Variants in MIA2 observed in about 807,000 individuals in gnomAD.
MIA2 encodes the protein melanoma inhibitory activity protein 2.
In MIA2, 127 loss-of-function variants were observed where a neutral mutation model predicts 167.8. That is an observed-to-expected ratio of 0.76 (90% CI 0.66 to 0.88). The LOEUF is 0.88. Ranked by LOEUF, MIA2 falls within the 40% of genes least tolerant of loss-of-function variation. The pLI, the probability that MIA2 is intolerant of heterozygous loss-of-function variation, is 0.00. For missense variants in MIA2, 1,690 were observed against 1,624.7 expected (o/e 1.04, Z -0.69); for synonymous variants, 552 against 541.9 (o/e 1.02, Z -0.26).
At chr14:39,320,677 G>T (rs372581783) in intron 23 of MIA2, among the ~76,000 whole-genome samples, 1 of 152,056 alleles carries the variant, frequency 6.6e-6, no homozygotes, top group Non-Finnish European at 1.5e-5. Flanking sequence ...TATTTATCAT[G>T]ATCTTTTTAT....
At chr14:39,328,992 A>AT (rs1256854897) in intron 25 of MIA2, among the ~76,000 whole-genome samples, 5 of 152,126 alleles carry the variant, frequency 3.3e-5, no homozygotes, top group Admixed American at 2.6e-4. Flanking sequence ...GTTTTTTCTA[A>AT]TTCTTTGAAG....
In MIA2 at chr14:39,240,612, G is replaced by A. The variant is rs1260664623; in HGVS notation, c.301G>A (p.Val101Met). 1.2e-6 allele frequency: 2 copies of A among 1,613,154 alleles called. No homozygotes were observed. The highest frequency in any genetic ancestry group is 1.6e-4 in the Middle Eastern group (1 of 6,080). The change falls in exon 3 of 29, where the codon GTG becomes ATG. Residue 101 changes from valine (V) to methionine (M), a missense_variant. Val to Met is a conservative substitution (Grantham distance 21, BLOSUM62 1). Coordinates refer to ENST00000640607, the MANE Select transcript of MIA2 (RefSeq NM_001329214.4). The stretch of plus-strand genomic sequence containing the variant: ...CAGAGATGCAGTCCAGATTGAAGAG[G>A]TGTTCATATCTGAGGAAATTCAGAT... ...FPRDAVQIEE[V>M]FISEEIQMST...
At chr14:39,269,935 C>T (rs981706839) in intron 6 of MIA2, among the ~76,000 whole-genome samples, 2 of 152,098 alleles carry the variant, frequency 1.3e-5, no homozygotes, top group Non-Finnish European at 2.9e-5. Flanking sequence ...AATAATGCTG[C>T]TTTGTGTATA....
intron 25 of MIA2, among the ~76,000 whole-genome samples, chr14:39,337,749 ACT>A (rs1241902093): frequency 6.6e-6 from 1 of 151,392 alleles, no homozygotes; most frequent in Non-Finnish European, 1.5e-5. Flanking sequence ...ATGGAGTCTC[ACT>A]CTGTCACCCA....
At chr14:39,249,393 C>A (rs2054458306) in intron 4 of MIA2, among the ~76,000 whole-genome samples, 1 of 151,918 alleles carries the variant, frequency 6.6e-6, no homozygotes, top group Non-Finnish European at 1.5e-5. Flanking sequence ...CCTCCCACTT[C>A]AGCCTCTCAA....
intron 3 of MIA2, among the ~76,000 whole-genome samples, chr14:39,243,440 C>T (rs769653455): frequency 7.6e-4 from 116 of 152,268 alleles, no homozygotes; most frequent in African/African-American, 1.9e-3. Flanking sequence ...CTGTCAGTTT[C>T]CCTGGAGGAT....
intron 9 of MIA2, among the ~76,000 whole-genome samples, chr14:39,282,912 A>G (rs2059150104): frequency 6.6e-6 from 1 of 152,054 alleles, no homozygotes; most frequent in South Asian, 2.1e-4. Flanking sequence ...CCTACCCAAC[A>G]CTGCTAACCA....
intron 6 of MIA2, chr14:39,266,020 T>C (rs1332699300): frequency 2.0e-6 from 2 of 985,370 alleles, no homozygotes; most frequent in Middle Eastern, 1.0e-3. Flanking sequence ...ATTTTGGTCC[T>C]GAAAAATCAC....
intron 9 of MIA2, among the ~76,000 whole-genome samples, chr14:39,288,456 TATATATATATA>T (rs2060172974): frequency 1.5e-3 from 22 of 14,342 alleles, no homozygotes; most frequent in Middle Eastern, 0.013. Flanking sequence ...TATATATATA[TATATATATATA>T]TATATATATT....
chr14:39,280,911 GTTTTTTTTTTTTTT>G (rs751903170), intron 9 of MIA2, among the ~76,000 whole-genome samples: 2 of 60,200 alleles, frequency 3.3e-5, no homozygotes, highest in Admixed American at 2.3e-4. Flanking sequence ...TATTAGTTTA[GTTTTTTTTTTTTTT>G]TTTTTTTTTT....
At chr14:39,292,742 T>G (rs1011550613) in intron 10 of MIA2, 1 of 236,218 alleles carries the variant, frequency 4.2e-6, no homozygotes, top group Non-Finnish European at 8.5e-6. Context: ...CCATTTGGAA[T>G]AATCCAATAA....
chr14:39,253,527 G>A (rs2054669178), intron 6 of MIA2: 1 of 267,618 alleles, frequency 3.7e-6, no homozygotes, highest in African/African-American at 2.3e-5. Context: ...CACTACTTAG[G>A]AGGCTGAGGC....
intron 25 of MIA2, among the ~76,000 whole-genome samples, chr14:39,337,184 A>G (rs980117018): frequency 6.6e-6 from 1 of 152,256 alleles, no homozygotes; most frequent in African/African-American, 2.4e-5. Context: ...GTAAAAGGAT[A>G]GAAAAGATAC....
In MIA2 at chr14:39,247,702, T is replaced by G. The variant is rs373101588; in HGVS notation, c.1128T>G (p.Ser376Arg). The change falls in exon 4 of 29, where the codon AGT becomes AGG. Residue 376 changes from serine (S) to arginine (R), a missense_variant. By Grantham distance (110) the Ser-to-Arg change is moderately radical. Coordinates refer to ENST00000640607, the MANE Select transcript of MIA2 (RefSeq NM_001329214.4). ...ATGATAGCTTGAGTCTCAAGCCAAG[T>G]TGGTTTGATTTTGGTTTTGCTATAC... ...ITNDSLSLKP[S>R]WFDFGFAILG... 1.2e-6 allele frequency: 2 copies of G among 1,611,310 alleles called. No individual in the cohort carries two copies. Among genetic ancestry groups the G allele is most frequent in the South Asian group, 2.2e-5 (2 of 90,218 alleles).
chr14:39,245,067 C>T (rs1007069442), intron 3 of MIA2, among the ~76,000 whole-genome samples: 1 of 129,692 alleles, frequency 7.7e-6, no homozygotes, highest in Non-Finnish European at 1.6e-5. Flanking sequence ...CATGGGCCGC[C>T]GCACCTAGCT....
chr14:39,236,755 C>T (rs934410355), intron 1 of MIA2, among the ~76,000 whole-genome samples, 167 bp from the exon 2 acceptor site: 8 of 152,040 alleles, frequency 5.3e-5, no homozygotes, highest in African/African-American at 1.4e-4. Context: ...GGCTTAGACT[C>T]GATTCTGCAT....
At chr14:39,372,769 A>C (rs1018658035) in intron 23 of MIA2, among the ~76,000 whole-genome samples, 1 of 152,226 alleles carries the variant, frequency 6.6e-6, no homozygotes, top group African/African-American at 2.4e-5. Context: ...TTCCTGCACA[A>C]ATCTAGGACT....
At chr14:39,331,707 T>C (rs1433376742) in intron 25 of MIA2, among the ~76,000 whole-genome samples, 1 of 152,210 alleles carries the variant, frequency 6.6e-6, no homozygotes. Context: ...ATTTTTCCTT[T>C]ACTTATAAAG....
chr14:39,300,024 A>G (rs755797919), intron 14 of MIA2, 38 bp downstream of exon 14: 9 of 1,571,570 alleles, frequency 5.7e-6, no homozygotes, highest in East Asian at 2.3e-5. Flanking sequence ...CAAGTTGGCT[A>G]GAATTTTACA....
Sources: allele counts gnomAD v4.1 joint callset (sites outside exome capture counted in the v4.1 genomes callset), GRCh38; gene constraint gnomAD v4.1.1; transcripts MANE v1.5; gene names NCBI Gene and HGNC (gene_info 2026-07-23, HGNC 2026-07-21).